MED22: variants seen among roughly 807,000 people sequenced by gnomAD.
MED22 encodes the protein mediator of RNA polymerase II transcription subunit 22.
A neutral mutation model predicts 22.7 loss-of-function variants in MED22; 22 were observed. The ratio of observed to expected loss-of-function variants is 0.97; its 90% confidence interval spans 0.69 to 1.38. The LOEUF is 1.38. Ranked by LOEUF, MED22 falls within the 40% of genes most tolerant of loss-of-function variation. The pLI is 0.00. For synonymous variants in MED22, 134 were observed against 119.4 expected (o/e 1.12, Z -0.80); for missense variants, 247 against 263.0 (o/e 0.94, Z 0.42).
At chr9:133,343,389 AC>A (rs1836072181) in intron 4 of MED22, 20 of 1,227,734 alleles carry the variant, frequency 1.6e-5, no homozygotes, top group Non-Finnish European at 2.0e-5. Flanking sequence ...AGTAAATGAT[AC>A]GTAGACTCTG....
Position 133,341,718 on chromosome 9 carries a change from G to A in MED22, c.414-24C>T, listed in dbSNP as rs2129950490. ...AGCTTTTCCACCACCAGAAACCCCA[G>A]GGAGAGACAGGAGCAGGCAGAGAGG... is the stretch of plus-strand genomic sequence containing the variant. On this transcript the variant is annotated intron_variant, in intron 4 of 4. Transcript: ENST00000343730. The A allele has an allele frequency of 2.4e-5, 39 of 1,598,050 alleles. No individual in the cohort carries two copies. In the South Asian group the frequency reaches 3.2e-4, roughly 13 times the overall value.
chr9:133,347,046 C>A (rs1330406459), intron 1 of MED22: 4 of 209,572 alleles, frequency 1.9e-5, no homozygotes, highest in Non-Finnish European at 3.9e-5. Flanking sequence ...CTTCTTAGCC[C>A]GCCGCCACCT....
chr9:133,348,005 T>G lies in MED22; in HGVS notation c.-122A>C. Reference sequence around the variant, plus strand: ...GTCAAGTGCCTCTGCGACCCGCACTTTCCCGCGTCTCTCCCACGGCCTGGC... The same window carrying G: ...GTCAAGTGCCTCTGCGACCCGCACTGTCCCGCGTCTCTCCCACGGCCTGGC... On this transcript the variant is annotated 5_prime_UTR_variant, in exon 1 of 5. Transcript: ENST00000343730. 1.7e-6 allele frequency: 1 copy of G among 592,336 alleles called. No individual in the cohort carries two copies. Among genetic ancestry groups the G allele is most frequent in the South Asian group, 1.9e-5 (1 of 53,260 alleles). 36.7% of individuals were successfully genotyped at this position (592,336 alleles called of 1,614,324 possible).
Position 133,345,186 on chromosome 9 carries a change from G to A in MED22, c.190C>T (p.Arg64Ter), listed in dbSNP as rs2129964158. 17 of 1,613,704 alleles carry A rather than the reference G, an allele frequency of 1.1e-5. No individual in the cohort carries two copies. The highest frequency in any genetic ancestry group is 1.6e-4 in the Middle Eastern group (1 of 6,084). The change falls in exon 3 of 5, where the codon CGA becomes TGA. Residue 64 changes from arginine (R) to a stop codon, truncating the protein, a stop_gained. Transcript: ENST00000343730. LOFTEE classifies it high-confidence loss of function. ...TGGCCACTCACGATGTTGGCGGCTC[G>A]CACATGCATCTCGTAATTGTCCTGT... Reference protein sequence around the residue: ...GEQDNYEMHVRAANIVRAGES... With the variant: ...GEQDNYEMHV
chr9:133,343,370 T>G, intron 4 of MED22: 1 of 1,230,482 alleles, frequency 8.1e-7, no homozygotes, highest in Non-Finnish European at 1.0e-6. Context: ...CAGCCTAAGT[T>G]TCCCCCTAAG....
At chr9:133,342,247 C>T in intron 4 of MED22, 7 of 986,466 alleles carry the variant, frequency 7.1e-6, no homozygotes, top group Non-Finnish European at 4.8e-6. Context: ...GCGTCCCCAC[C>T]TCTAACACGG....
chr9:133,346,094 G>GGTCT (rs1392934370), intron 2 of MED22, among the ~76,000 whole-genome samples: 1 of 152,220 alleles, frequency 6.6e-6, no homozygotes, highest in Non-Finnish European at 1.5e-5. Flanking sequence ...GAGCCTGCCA[G>GGTCT]GTCTGCAGCA....
chr9:133,347,292 G>C (rs1564341664), intron 1 of MED22: 1 of 152,784 alleles, frequency 6.5e-6, no homozygotes, highest in African/African-American at 2.4e-5. Flanking sequence ...CCGAGGCAGG[G>C]ATCACCTGAG....
Position 133,341,341 on chromosome 9 carries a change from G to T in MED22, c.*164C>A. ...GAAACAACTGTTTCCCTACTGTCCTGGCGGGACCCACCCTGGGCTAACGGG... is the reference window on the plus strand; with the variant it reads ...GAAACAACTGTTTCCCTACTGTCCTTGCGGGACCCACCCTGGGCTAACGGG... On this transcript the variant is annotated 3_prime_UTR_variant, in exon 5 of 5. Coordinates refer to ENST00000343730, the MANE Select transcript of MED22 (RefSeq NM_133640.5). 1.5e-6 allele frequency: 1 copy of T among 656,342 alleles called. No individual in the cohort carries two copies. The highest frequency in any genetic ancestry group is 2.4e-6 in the Non-Finnish European group (1 of 421,122). The allele number at this position is 656,342 out of a possible 1,614,324, so 40.7% of individuals were successfully genotyped here.
chr9:133,346,125 A>G (rs2129967255), intron 2 of MED22, among the ~76,000 whole-genome samples: 15 of 152,186 alleles, frequency 9.9e-5, no homozygotes, highest in Non-Finnish European at 1.6e-4. Flanking sequence ...ATCCAGCCCA[A>G]TCTGATGCAG....
chr9:133,344,239 T>C lies in MED22; in HGVS notation c.299A>G (p.Gln100Arg), dbSNP rs1836112378. The C allele has an allele frequency of 1.9e-6, 3 of 1,614,202 alleles. No individual in the cohort carries two copies. Among genetic ancestry groups the C allele is most frequent in the Non-Finnish European group, 2.5e-6 (3 of 1,180,016 alleles). ...CAGTGTGCGCAGCTGCTGGTTGCGC[T>C]GGTCAATGGCCTCGTTCACGGAGGG... ...DFPSVNEAID[Q>R]RNQQLRTLQE... Residue 100 changes from glutamine to arginine, a missense_variant, in exon 4 of 5, where the codon CAG becomes CGG. Gln to Arg is a conservative substitution (Grantham distance 43, BLOSUM62 1). Coordinates refer to ENST00000343730, the MANE Select transcript of MED22 (RefSeq NM_133640.5).
At chr9:133,345,329 C>A in intron 2 of MED22, 77 bp from the exon 3 acceptor site, 3 of 1,396,106 alleles carry the variant, frequency 2.1e-6, no homozygotes, top group Non-Finnish European at 3.0e-6. Context: ...GCCCAGCTTA[C>A]GGTAACTGTC....
chr9:133,342,683 T>G, intron 4 of MED22: 2 of 985,682 alleles, frequency 2.0e-6, no homozygotes, highest in Non-Finnish European at 2.4e-6. Context: ...ACAGGGGCTG[T>G]GTGAGGCCCC....
intron 2 of MED22, 38 bp downstream of exon 2, chr9:133,346,502 C>T: frequency 1.9e-6 from 3 of 1,610,144 alleles, no homozygotes; most frequent in Non-Finnish European, 2.5e-6. Context: ...CACCCCTTCT[C>T]AGACTCTGCT....
chr9:133,346,431 G>T, intron 2 of MED22, 109 bp downstream of exon 2: 1 of 1,391,716 alleles, frequency 7.2e-7, no homozygotes, highest in African/African-American at 1.4e-5. Flanking sequence ...CTGTGCACTG[G>T]GTGCTTCCTG....
At chr9:133,341,834 C>G in intron 4 of MED22, 140 bp from the exon 5 acceptor site, 1 of 1,414,874 alleles carries the variant, frequency 7.1e-7, no homozygotes, top group Non-Finnish European at 9.1e-7. Context: ...CACTCCTGCT[C>G]CATCTGTCCC....
chr9:133,347,605 C>T (rs1836225982), intron 1 of MED22: 1 of 152,454 alleles, frequency 6.6e-6, no homozygotes, highest in Admixed American at 6.5e-5. Context: ...GCTCAAGTTC[C>T]GCGCCGCGCC....
In MED22 at chr9:133,341,560, AC is replaced by A; in HGVS notation, c.547del (p.Val183TrpfsTer32). The A allele has an allele frequency of 6.4e-7, 1 of 1,557,090 alleles. No homozygotes were observed. On this transcript the variant is annotated frameshift_variant, in exon 5 of 5. Transcript: ENST00000343730. LOFTEE classifies it high-confidence loss of function. Reference sequence around the variant, plus strand: ...AGCATGGGAGTGGGCAGGGGCTGCCACCTGTAGGGGGCCAGCACTGGGCTCC... The same window carrying A: ...AGCATGGGAGTGGGCAGGGGCTGCCACTGTAGGGGGCCAGCACTGGGCTCC... ...SPEPSAGPLQ[V>X]AAPAHSHAGG...
rs2129949219 is a variant in MED22, at chr9:133,341,577, A to G, written c.531T>C (p.Ser177=). ...GGGCTGCCACCTGTAGGGGGCCAGC[A>G]CTGGGCTCCGGGGACGCCAGCAGAG... The part of the protein sequence containing the change: ...SAPLLASPEP[S]AGPLQVAAPA... Residue 177 remains serine (S), a synonymous_variant, in exon 5 of 5, where the codon AGT becomes AGC. Transcript: ENST00000343730. The G allele has an allele frequency of 4.4e-6, 7 of 1,579,074 alleles. No homozygotes were observed. The highest frequency in any genetic ancestry group is 1.2e-5 in the South Asian group (1 of 85,886).
Sources: gnomAD v4.1 joint callset for allele counts (sites outside exome capture counted in the v4.1 genomes callset) on GRCh38, gnomAD v4.1.1 for gene constraint, MANE v1.5 for transcripts, NCBI Gene and HGNC (gene_info 2026-07-23, HGNC 2026-07-21) for gene names.